Variants in SCAI observed in about 807,000 individuals in gnomAD.
The protein encoded by SCAI is protein SCAI.
In SCAI, 24 loss-of-function variants were observed where a neutral mutation model predicts 92.2. The observed-to-expected ratio is 0.26, with a 90% confidence interval of 0.19 to 0.37. The LOEUF (loss-of-function observed/expected upper bound fraction) is 0.37. Among genes scored for constraint, SCAI ranks in the 10% least tolerant of loss-of-function variants. The probability of loss-of-function intolerance (pLI) is 1.00; values close to 1 mark genes in which losing one functional copy is unlikely to be tolerated. For missense variants in SCAI, 450 were observed against 736.2 expected, an observed-to-expected ratio of 0.61 and a Z score of 4.50; for synonymous variants, 261 against 258.6, an observed-to-expected ratio of 1.01 and a Z score of -0.09.
intron 2 of SCAI, among the ~76,000 whole-genome samples, chr9:125,131,868 C>T (rs143904554): frequency 3.9e-5 from 6 of 152,132 alleles, no homozygotes; most frequent in African/African-American, 1.4e-4. Flanking sequence ...AAGAAACTAC[C>T]TTCAGAACCT....
chr9:124,967,919 A>G (rs1831571983), intron 17 of SCAI, among the ~76,000 whole-genome samples: 1 of 152,236 alleles, frequency 6.6e-6, no homozygotes, highest in Non-Finnish European at 1.5e-5. Flanking sequence ...GTTGCTCTTC[A>G]TGTACTTCTT....
At chr9:125,031,811 AT>A (rs1192248138) in intron 3 of SCAI, among the ~76,000 whole-genome samples, 2 of 151,880 alleles carry the variant, frequency 1.3e-5, no homozygotes, top group East Asian at 1.9e-4. Context: ...GTATCTTTTA[AT>A]TTTTTTATGA....
At chr9:124,971,536 G>A (rs1439752407) in intron 16 of SCAI, 66 bp from the exon 17 acceptor site, 4 of 1,426,258 alleles carry the variant, frequency 2.8e-6, no homozygotes, top group East Asian at 2.3e-5. Context: ...AAAGGGGAAG[G>A]AAACTTCAGG....
intron 9 of SCAI, among the ~76,000 whole-genome samples, chr9:125,006,408 T>C (rs989943298): frequency 1.3e-5 from 2 of 152,248 alleles, no homozygotes; most frequent in African/African-American, 4.8e-5. Context: ...GTTAGTTTCA[T>C]ATGCTTAAAT....
At chr9:125,093,178 T>A (rs944898730) in intron 2 of SCAI, among the ~76,000 whole-genome samples, 3 of 152,076 alleles carry the variant, frequency 2.0e-5, no homozygotes, top group Non-Finnish European at 4.4e-5. Context: ...CTGGCTAACA[T>A]GGTGAAACAC....
chr9:125,023,947 T>G (rs542950414), intron 6 of SCAI, among the ~76,000 whole-genome samples: 1 of 152,004 alleles, frequency 6.6e-6, no homozygotes, highest in South Asian at 2.1e-4. Context: ...CATATCAAAC[T>G]GCAGAAAAAA....
At chr9:125,083,517 C>CA (rs560240303) in intron 2 of SCAI, among the ~76,000 whole-genome samples, 1,138 of 48,162 alleles carry the variant, frequency 0.024, 17 homozygotes, top group Admixed American at 0.071. Flanking sequence ...GACTCCATCT[C>CA]AAAAAAAAAA....
At chr9:125,009,461 G>C (rs1042376138) in intron 9 of SCAI, among the ~76,000 whole-genome samples, 1 of 152,002 alleles carries the variant, frequency 6.6e-6, no homozygotes, top group South Asian at 2.1e-4. Context: ...GTAGAGATCA[G>C]ATTTTGCCAT....
At chr9:124,976,926 T>C (rs546983580) in intron 14 of SCAI, among the ~76,000 whole-genome samples, 519 of 152,134 alleles carry the variant, frequency 3.4e-3, no homozygotes, top group Non-Finnish European at 5.9e-3. Flanking sequence ...TGGAGTGCAA[T>C]GGCACGATCT....
chr9:125,056,999 G>C lies in SCAI; in HGVS notation c.99-992C>G, dbSNP rs150661647. 2.6e-4 allele frequency among the ~76,000 whole-genome samples: 39 copies of C among 152,258 alleles called. No individual in the cohort carries two copies. In the East Asian group the frequency reaches 6.9e-3, roughly 27 times the overall value. ...TTCATAAAGCTGCCATGTAAAAACAGAAAACAACAGTAAGTTGTCAGACAG... is the reference window on the plus strand; with the variant it reads ...TTCATAAAGCTGCCATGTAAAAACACAAAACAACAGTAAGTTGTCAGACAG... On this transcript the variant is annotated intron_variant, in intron 2 of 17. Transcript: ENST00000336505.
At chr9:125,117,991 T>C (rs1835081862) in intron 2 of SCAI, among the ~76,000 whole-genome samples, 1 of 152,140 alleles carries the variant, frequency 6.6e-6, no homozygotes, top group Non-Finnish European at 1.5e-5. Flanking sequence ...TGAGGTAATA[T>C]ATAAACCTTA....
At chr9:125,124,328 C>T (rs1835218859) in intron 2 of SCAI, among the ~76,000 whole-genome samples, 1 of 152,066 alleles carries the variant, frequency 6.6e-6, no homozygotes, top group African/African-American at 2.4e-5. Flanking sequence ...AAGGAATTGG[C>T]TCATGCAATT....
intron 2 of SCAI, among the ~76,000 whole-genome samples, chr9:125,080,673 C>A (rs1336568065): frequency 1.3e-5 from 2 of 152,148 alleles, no homozygotes; most frequent in Non-Finnish European, 2.9e-5. Flanking sequence ...ATATTATTTA[C>A]CCCTCATAAA....
chr9:125,003,845 A>G (rs2131040727), intron 9 of SCAI, among the ~76,000 whole-genome samples: 1 of 152,290 alleles, frequency 6.6e-6, no homozygotes. Flanking sequence ...TTACTAATCA[A>G]TAAACTTCCT....
intron 14 of SCAI, among the ~76,000 whole-genome samples, chr9:124,984,447 T>C (rs1032763798): frequency 2.0e-5 from 3 of 152,210 alleles, no homozygotes; most frequent in Non-Finnish European, 1.5e-5. Flanking sequence ...ATTAGAAGGC[T>C]ACTGCAGTAA....
Position 125,002,488 on chromosome 9 carries a change from G to GTTTTTTTTTTTTTTTTTTTTTTT in SCAI, c.1066-446_1066-445insAAAAAAAAAAAAAAAAAAAAAAA, listed in dbSNP as rs58586769. Reference sequence around the variant, plus strand: ...ACACTCTGCTTTTGTTTTTTAGTCTGTTTTTTTTTTTGAAACAGAGTTTCA... The same window carrying GTTTTTTTTTTTTTTTTTTTTTTT: ...ACACTCTGCTTTTGTTTTTTAGTCTGTTTTTTTTTTTTTTTTTTTTTTTTTTTTTTTTTTGAAACAGAGTTTCA... On this transcript the variant is annotated intron_variant, in intron 11 of 17. Transcript: ENST00000336505. Among the ~76,000 whole-genome samples, 13 of 125,106 alleles carry GTTTTTTTTTTTTTTTTTTTTTTT rather than the reference G, an allele frequency of 1.0e-4. 1 individual carries two copies. The highest frequency in any genetic ancestry group is 3.8e-4 in the African/African-American group (12 of 31,624). The allele number at this position is 125,106 out of a possible 152,430, so 82.1% of individuals were successfully genotyped here.
intron 3 of SCAI, among the ~76,000 whole-genome samples, chr9:125,035,050 C>A (rs1003808361): frequency 6.6e-6 from 1 of 152,058 alleles, no homozygotes; most frequent in Non-Finnish European, 1.5e-5. Flanking sequence ...CTGACCAAAA[C>A]TAAGCATGAG....
At chr9:125,113,651 GAAAGTAT>G (rs1421673088) in intron 2 of SCAI, among the ~76,000 whole-genome samples, 2 of 147,498 alleles carry the variant, frequency 1.4e-5, no homozygotes, top group Admixed American at 1.4e-4. Flanking sequence ...GGAAAATCCA[GAAAGTAT>G]AAAGATTTTT....
intron 14 of SCAI, among the ~76,000 whole-genome samples, chr9:124,992,075 C>A (rs1832140509): frequency 2.0e-5 from 3 of 152,026 alleles, no homozygotes; most frequent in Admixed American, 1.3e-4. Flanking sequence ...CAAAAACATG[C>A]CTGGCTAATT....
Sources: gnomAD v4.1 joint callset for allele counts (sites outside exome capture counted in the v4.1 genomes callset) on GRCh38, gnomAD v4.1.1 for gene constraint, MANE v1.5 for transcripts, NCBI Gene and HGNC (gene_info 2026-07-23, HGNC 2026-07-21) for gene names.